The following PRKG1 variants were observed in gnomAD, a reference collection of about 807,000 sequenced individuals.
PRKG1 encodes the protein protein kinase cGMP-dependent 1.
PRKG1 carries 35 observed loss-of-function variants against 88.1 expected under a neutral mutation model. The ratio of observed to expected loss-of-function variants is 0.40; its 90% CI spans 0.30 to 0.53. The LOEUF (loss-of-function observed/expected upper bound fraction) is 0.53. PRKG1 is among the 20% of genes least tolerant of loss of function. The pLI is 0.59. For synonymous variants in PRKG1, 303 were observed against 292.5 expected (o/e 1.04, Z -0.37); for missense variants, 540 against 839.8 (o/e 0.64, Z 4.41).
At chr10:52,188,339 T>C (rs1474215571) in intron 9 of PRKG1, among the ~76,000 whole-genome samples, 1 of 145,796 alleles carries the variant, frequency 6.9e-6, no homozygotes, top group Non-Finnish European at 1.5e-5. Context: ...CACATATATA[T>C]ATATATTTCT....
At chr10:51,535,474 A>G (rs966055770) in intron 3 of PRKG1, among the ~76,000 whole-genome samples, 2 of 152,168 alleles carry the variant, frequency 1.3e-5, no homozygotes, top group African/African-American at 4.8e-5. Flanking sequence ...ACCCAATTTA[A>G]AGTGTTTTGT....
chr10:51,358,407 A>C (rs1189303), intron 2 of PRKG1, among the ~76,000 whole-genome samples: 151,953 of 151,964 alleles, frequency 1, 75,971 homozygotes, highest in Middle Eastern at 1. Context: ...GACAGACACA[A>C]CTCTCAAGTG....
chr10:52,205,842 A>AT (rs994586664), intron 9 of PRKG1, among the ~76,000 whole-genome samples: 3 of 150,200 alleles, frequency 2.0e-5, no homozygotes, highest in African/African-American at 4.9e-5. Context: ...GCTGCTTAAA[A>AT]TTTTTTTTTT....
chr10:51,965,292 T>A (rs1843541307), intron 5 of PRKG1, among the ~76,000 whole-genome samples: 1 of 152,174 alleles, frequency 6.6e-6, no homozygotes, highest in African/African-American at 2.4e-5. Context: ...TGTCCATGTG[T>A]TCTCATGATT....
chr10:51,139,970 G>A (rs1845784066), intron 1 of PRKG1, among the ~76,000 whole-genome samples: 1 of 152,146 alleles, frequency 6.6e-6, no homozygotes, highest in Non-Finnish European at 1.5e-5. Context: ...AACAGACTCT[G>A]CTTATGTCTC....
chr10:51,164,666 T>C (rs1460525727), intron 2 of PRKG1, among the ~76,000 whole-genome samples: 1 of 152,052 alleles, frequency 6.6e-6, no homozygotes, highest in South Asian at 2.1e-4. Context: ...TTTAGACGAA[T>C]GTATAACTAG....
intron 1 of PRKG1, among the ~76,000 whole-genome samples, chr10:51,035,098 A>C (rs1033769873): frequency 6.6e-6 from 1 of 152,124 alleles, no homozygotes; most frequent in Non-Finnish European, 1.5e-5. Context: ...AGCAAAGTAT[A>C]CACGGTCATG....
At chr10:51,789,713 A>T (rs1000691251) in intron 3 of PRKG1, among the ~76,000 whole-genome samples, 5 of 152,176 alleles carry the variant, frequency 3.3e-5, no homozygotes, top group Admixed American at 3.3e-4. Flanking sequence ...TGTGCCAGGA[A>T]CAGAAAAGAC....
chr10:51,531,097 G>A (rs1842005899), intron 3 of PRKG1, among the ~76,000 whole-genome samples: 2 of 151,988 alleles, frequency 1.3e-5, no homozygotes. Flanking sequence ...CCTCCATAAT[G>A]GTTTTCAATT....
intron 1 of PRKG1, among the ~76,000 whole-genome samples, chr10:51,151,568 T>G (rs975288050): frequency 8.4e-5 from 8 of 95,238 alleles, no homozygotes; most frequent in African/African-American, 3.6e-4. Context: ...TTTTTGTTTT[T>G]GTTTTTTTTT....
intron 4 of PRKG1, among the ~76,000 whole-genome samples, chr10:51,850,902 C>G (rs777857353): frequency 1.3e-5 from 2 of 152,044 alleles, no homozygotes; most frequent in Non-Finnish European, 2.9e-5. Flanking sequence ...GAAAAAAAGA[C>G]TCTACTGGAG....
chr10:51,549,849 A>G (rs1842537863), intron 3 of PRKG1, among the ~76,000 whole-genome samples: 2 of 152,102 alleles, frequency 1.3e-5, no homozygotes, highest in African/African-American at 4.8e-5. Context: ...GGCAATAGCA[A>G]CCTAACCAAA....
At chr10:51,909,235 T>C (rs547145604) in intron 5 of PRKG1, 2 of 152,324 alleles carry the variant, frequency 1.3e-5, no homozygotes, top group East Asian at 3.9e-4. Context: ...GGAGAGAGGC[T>C]GGAGTAAAAT....
At chr10:51,484,144 G>C (rs942187790) in intron 3 of PRKG1, among the ~76,000 whole-genome samples, 1 of 152,226 alleles carries the variant, frequency 6.6e-6, no homozygotes, top group South Asian at 2.1e-4. Flanking sequence ...CCTTTACTTG[G>C]AGTAGTCTAT....
At chr10:52,028,638 C>T (rs1480233668) in intron 5 of PRKG1, among the ~76,000 whole-genome samples, 2 of 152,310 alleles carry the variant, frequency 1.3e-5, no homozygotes, top group East Asian at 1.9e-4. Context: ...CTAAGTGTAC[C>T]TGTTCCAATA....
Position 52,116,412 on chromosome 10 carries a change from G to A in PRKG1, c.936-17428G>A, listed in dbSNP as rs544067296. Among the ~76,000 whole-genome samples the A allele has an allele frequency of 5.9e-5, 9 of 152,188 alleles. No homozygotes were observed. The South Asian group carries it at 1.0e-3, about 18-fold the overall frequency. ...ACTCTATTACATGAATGAATGAGCC[G>A]ATGTTATTCTATTCTGTATTATAGT... On this transcript the variant is annotated intron_variant, in intron 7 of 17. Transcript: ENST00000373980.
At chr10:52,173,345 G>C (rs1445758449) in intron 9 of PRKG1, among the ~76,000 whole-genome samples, 1 of 151,990 alleles carries the variant, frequency 6.6e-6, no homozygotes, top group Non-Finnish European at 1.5e-5. Context: ...TTCGAATATG[G>C]CATTTAGATA....
intron 2 of PRKG1, among the ~76,000 whole-genome samples, chr10:51,344,885 A>T (rs1255169163): frequency 1.3e-5 from 2 of 152,212 alleles, no homozygotes; most frequent in African/African-American, 4.8e-5. Flanking sequence ...TGCATTTCAC[A>T]CTAATTGGTC....
At chr10:51,968,836 A>G (rs976605069) in intron 5 of PRKG1, among the ~76,000 whole-genome samples, 63 of 149,502 alleles carry the variant, frequency 4.2e-4, no homozygotes, top group Admixed American at 1.3e-3. Context: ...AAAAAAAAAA[A>G]AGAAAAAAGA....
Sources: gnomAD v4.1 joint callset for allele counts (sites outside exome capture counted in the v4.1 genomes callset) on GRCh38, gnomAD v4.1.1 for gene constraint, MANE v1.5 for transcripts, NCBI Gene and HGNC (gene_info 2026-07-23, HGNC 2026-07-21) for gene names.